The following DSCAM variants were observed in gnomAD, a reference collection of about 807,000 sequenced individuals.
DSCAM encodes DS cell adhesion molecule, also known as cell adhesion molecule DSCAM.
A neutral mutation model predicts 217.7 loss-of-function variants in DSCAM; 47 were observed. The ratio of observed to expected loss-of-function variants is 0.22; its 90% CI spans 0.17 to 0.28. The LOEUF (loss-of-function observed/expected upper bound fraction) is 0.28, where lower values mean the gene tolerates loss of function less well. DSCAM is among the 10% of genes least tolerant of loss of function. DSCAM has a pLI of 1.00. For synonymous variants in DSCAM, 1,056 were observed against 1,015.3 expected (o/e 1.04, Z -0.76); for missense variants, 2,080 against 2,618.3 (o/e 0.79, Z 4.49).
chr21:40,817,320 T>C (rs2091888730), intron 1 of DSCAM, among the ~76,000 whole-genome samples: 1 of 152,186 alleles, frequency 6.6e-6, no homozygotes, highest in South Asian at 2.1e-4. Context: ...AGATCGCTTG[T>C]TTCTTCTCTG....
Position 40,830,454 on chromosome 21 carries a change from G to C in DSCAM, c.43+16165C>G, listed in dbSNP as rs186353364. Among the ~76,000 whole-genome samples, 24 of 152,284 alleles carry C rather than the reference G, an allele frequency of 1.6e-4. 1 individual carries two copies. The East Asian group carries it at 4.4e-3, about 28-fold the overall frequency. On this transcript the variant is annotated intron_variant, in intron 1 of 32. Coordinates refer to ENST00000400454, the MANE Select transcript of DSCAM (RefSeq NM_001389.5). Reference sequence around the variant, plus strand: ...AATTACAACTGGACATGAGATTTGGGCAGGGAAAAATATCCAAGCTATATC... The same window carrying C: ...AATTACAACTGGACATGAGATTTGGCCAGGGAAAAATATCCAAGCTATATC...
chr21:40,079,831 G>T (rs2089427247), intron 25 of DSCAM, among the ~76,000 whole-genome samples: 1 of 152,130 alleles, frequency 6.6e-6, no homozygotes, highest in Non-Finnish European at 1.5e-5. Flanking sequence ...AAGGGAGAAG[G>T]GCGCCTCCAA....
intron 1 of DSCAM, among the ~76,000 whole-genome samples, chr21:40,845,030 G>A (rs1038180203): frequency 6.6e-6 from 1 of 152,134 alleles, no homozygotes; most frequent in Non-Finnish European, 1.5e-5. Flanking sequence ...TTAGGAGGTC[G>A]CATTAGCAGA....
At chr21:40,483,811 G>A (rs1418669552) in intron 3 of DSCAM, among the ~76,000 whole-genome samples, 2 of 152,090 alleles carry the variant, frequency 1.3e-5, no homozygotes, top group Admixed American at 6.6e-5. Flanking sequence ...TGGTACACAC[G>A]TGTCTTTTGT....
intron 3 of DSCAM, among the ~76,000 whole-genome samples, chr21:40,437,611 G>A (rs2075594438): frequency 6.6e-6 from 1 of 152,154 alleles, no homozygotes; most frequent in Admixed American, 6.5e-5. Context: ...TGCACTTTGG[G>A]AGGCCAAGAC....
intron 3 of DSCAM, among the ~76,000 whole-genome samples, chr21:40,585,042 C>CT (rs969522088): frequency 6.6e-6 from 1 of 152,040 alleles, no homozygotes; most frequent in Non-Finnish European, 1.5e-5. Flanking sequence ...CTCTTGCTTC[C>CT]TCTCTTGTCA....
chr21:40,709,752 G>A (rs188007448), intron 1 of DSCAM, among the ~76,000 whole-genome samples: 2 of 152,138 alleles, frequency 1.3e-5, no homozygotes, highest in Non-Finnish European at 2.9e-5. Flanking sequence ...ATGGGCATTT[G>A]GGTTGGTTCC....
intron 3 of DSCAM, among the ~76,000 whole-genome samples, chr21:40,541,129 A>C (rs557132610): frequency 6.6e-6 from 1 of 152,234 alleles, no homozygotes; most frequent in South Asian, 2.1e-4. Context: ...ATACTAATGA[A>C]TGTCATTTTA....
chr21:40,176,493 A>G (rs2090733238), intron 15 of DSCAM, among the ~76,000 whole-genome samples: 1 of 152,164 alleles, frequency 6.6e-6, no homozygotes, highest in South Asian at 2.1e-4. Context: ...ACCTGCTGGG[A>G]AGGGGCAGCA....
intron 3 of DSCAM, among the ~76,000 whole-genome samples, chr21:40,635,636 CAG>C (rs2089748674): frequency 6.6e-6 from 1 of 151,864 alleles, no homozygotes; most frequent in Admixed American, 6.6e-5. Context: ...AATGTGTGGA[CAG>C]TTATTTCAAG....
chr21:40,845,067 C>T (rs1388384156), intron 1 of DSCAM, among the ~76,000 whole-genome samples: 2 of 152,168 alleles, frequency 1.3e-5, no homozygotes, highest in Admixed American at 1.3e-4. Context: ...ACTTCCCCGA[C>T]ACATCTCCGC....
chr21:40,656,754 T>C (rs189783573), intron 3 of DSCAM, among the ~76,000 whole-genome samples: 68 of 152,328 alleles, frequency 4.5e-4, no homozygotes, highest in African/African-American at 1.4e-3. Context: ...AAAATTGTCA[T>C]GCCTACTCAT....
At chr21:40,610,057 A>T (rs1387283952) in intron 3 of DSCAM, among the ~76,000 whole-genome samples, 1 of 152,230 alleles carries the variant, frequency 6.6e-6, no homozygotes, top group Non-Finnish European at 1.5e-5. Context: ...TGACAACCAA[A>T]CACCTTTAAA....
chr21:40,288,987 C>A (rs1280651038), intron 10 of DSCAM, among the ~76,000 whole-genome samples: 1 of 152,158 alleles, frequency 6.6e-6, no homozygotes, highest in Admixed American at 6.5e-5. Flanking sequence ...TAGATTCCTA[C>A]TTTATTTATT....
chr21:40,156,438 A>G (rs530461295), intron 16 of DSCAM, among the ~76,000 whole-genome samples: 5 of 152,264 alleles, frequency 3.3e-5, no homozygotes, highest in African/African-American at 7.2e-5. Context: ...ACCAGAGAAG[A>G]TCCAGGTCTC....
At chr21:40,235,822 T>C (rs1569015397) in intron 11 of DSCAM, among the ~76,000 whole-genome samples, 1 of 152,138 alleles carries the variant, frequency 6.6e-6, no homozygotes, top group Non-Finnish European at 1.5e-5. Context: ...CCATCATCAT[T>C]ACTGAGAGAG....
At chr21:40,575,609 G>A (rs371372364) in intron 3 of DSCAM, among the ~76,000 whole-genome samples, 13 of 152,258 alleles carry the variant, frequency 8.5e-5, no homozygotes, top group East Asian at 3.9e-4. Context: ...CCTTGAGTCC[G>A]ACTCAACTCC....
At chr21:40,751,571 C>G (rs1383161504) in intron 1 of DSCAM, among the ~76,000 whole-genome samples, 4 of 152,178 alleles carry the variant, frequency 2.6e-5, no homozygotes, top group Admixed American at 2.0e-4. Flanking sequence ...ATTCTAATTA[C>G]ATAAAGTTCA....
chr21:40,636,527 G>A (rs1044675693), intron 3 of DSCAM, among the ~76,000 whole-genome samples: 4 of 151,984 alleles, frequency 2.6e-5, no homozygotes, highest in Non-Finnish European at 4.4e-5. Flanking sequence ...TGTGAGATTC[G>A]TATCAGTGAA....
Sources: allele counts gnomAD v4.1 joint callset (sites outside exome capture counted in the v4.1 genomes callset), GRCh38; gene constraint gnomAD v4.1.1; transcripts MANE v1.5; gene names NCBI Gene and HGNC (gene_info 2026-07-23, HGNC 2026-07-21).